The following AFTPH variants were observed in gnomAD, a reference collection of about 807,000 sequenced individuals.
The protein encoded by AFTPH is aftiphilin protein.
A neutral mutation model predicts 72.5 loss-of-function variants in AFTPH; 7 were observed. The ratio of observed to expected loss-of-function variants is 0.10; its 90% CI spans 0.05 to 0.18. The LOEUF (loss-of-function observed/expected upper bound fraction) is 0.18, where lower values mean the gene tolerates loss of function less well. Ranked by LOEUF, AFTPH falls within the 10% of genes least tolerant of loss-of-function variation. The pLI, the probability that AFTPH is intolerant of heterozygous loss-of-function variation, is 1.00. For synonymous variants in AFTPH, 337 were observed against 370.1 expected (o/e 0.91, Z 1.03); for missense variants, 979 against 1,060.5 (o/e 0.92, Z 1.07).
chr2:64,544,055 T>C (rs1471322878), intron 1 of AFTPH, among the ~76,000 whole-genome samples: 1 of 152,246 alleles, frequency 6.6e-6, no homozygotes, highest in East Asian at 1.9e-4. Context: ...CCCTTTATAT[T>C]GGACCTTCTA....
rs376133867 is a variant in AFTPH, at chr2:64,579,559, G to A, written c.2455+13G>A. 119 of 1,610,626 alleles carry A rather than the reference G, an allele frequency of 7.4e-5. No individual in the cohort carries two copies. The highest frequency in any genetic ancestry group is 2.9e-4 in the East Asian group (13 of 44,830). On this transcript the variant is annotated intron_variant, in intron 7 of 8. Transcript: ENST00000238856. Reference sequence around the variant, plus strand: ...AACCCTTTAGATGGTACGTCTCTCCGTAGAGCCTCTAGCACCAGAGCTAGA... The same window carrying A: ...AACCCTTTAGATGGTACGTCTCTCCATAGAGCCTCTAGCACCAGAGCTAGA...
intron 6 of AFTPH, among the ~76,000 whole-genome samples, chr2:64,573,873 G>C (rs189970302): frequency 6.6e-6 from 1 of 152,244 alleles, no homozygotes; most frequent in African/African-American, 2.4e-5. Context: ...GGCCAGGCTG[G>C]TATTGAACTT....
chr2:64,538,414 T>C (rs2103841892), intron 1 of AFTPH, among the ~76,000 whole-genome samples: 1 of 152,344 alleles, frequency 6.6e-6, no homozygotes, highest in Non-Finnish European at 1.5e-5. Flanking sequence ...CAGTTATTAG[T>C]ATCGGTAGAC....
At chr2:64,536,204 T>C (rs957806805) in intron 1 of AFTPH, among the ~76,000 whole-genome samples, 4 of 151,998 alleles carry the variant, frequency 2.6e-5, no homozygotes, top group Non-Finnish European at 5.9e-5. Context: ...AGGTCAGACA[T>C]ATAGGTAAGG....
chr2:64,539,968 G>A (rs1473419534), intron 1 of AFTPH, among the ~76,000 whole-genome samples: 1 of 152,100 alleles, frequency 6.6e-6, no homozygotes, highest in East Asian at 1.9e-4. Flanking sequence ...TTTTGAGTAT[G>A]GAAGAGGCTG....
At chr2:64,548,839 T>C (rs1181636397) in intron 1 of AFTPH, among the ~76,000 whole-genome samples, 2 of 152,150 alleles carry the variant, frequency 1.3e-5, no homozygotes, top group African/African-American at 4.8e-5. Flanking sequence ...AAGAAGAGTA[T>C]GGCAGAGCAA....
exon 2 of AFTPH, chr2:64,552,015 A>T: frequency 6.2e-7 from 1 of 1,613,946 alleles, no homozygotes; most frequent in Non-Finnish European, 8.5e-7. Context: ...TTGTCTGGAG[A>T]TTCTAACAAA....
At chr2:64,540,160 C>T (rs1048697708) in intron 1 of AFTPH, among the ~76,000 whole-genome samples, 1 of 152,056 alleles carries the variant, frequency 6.6e-6, no homozygotes, top group Admixed American at 6.6e-5. Flanking sequence ...ATTTTCATTG[C>T]AGAGTTTCAG....
intron 8 of AFTPH, among the ~76,000 whole-genome samples, chr2:64,588,730 C>G (rs76112149): frequency 3.9e-5 from 6 of 152,128 alleles, no homozygotes; most frequent in Admixed American, 6.6e-5. Context: ...GGAGAAATAT[C>G]TGTTCAGATC....
intron 1 of AFTPH, 32 bp downstream of exon 1, chr2:64,524,644 G>T: frequency 2.5e-6 from 1 of 396,896 alleles, no homozygotes. Flanking sequence ...CCCTAGCTGC[G>T]CCGGGGAAAG....
chr2:64,551,573 G>A (rs1671050390), exon 2 of AFTPH: 2 of 1,613,976 alleles, frequency 1.2e-6, no homozygotes, highest in South Asian at 1.1e-5. Context: ...AATTTGGTGG[G>A]TTTTCAGAAG....
intron 6 of AFTPH, among the ~76,000 whole-genome samples, chr2:64,574,601 T>C (rs558993085): frequency 4.6e-5 from 7 of 152,330 alleles, no homozygotes; most frequent in African/African-American, 1.7e-4. Flanking sequence ...TCAAGAAACA[T>C]CTAATATTAC....
chr2:64,536,240 C>G (rs1442356096), intron 1 of AFTPH, among the ~76,000 whole-genome samples: 2 of 152,036 alleles, frequency 1.3e-5, no homozygotes, highest in East Asian at 3.9e-4. Context: ...CAGATAAAAA[C>G]AAAAGGGGGA....
intron 1 of AFTPH, among the ~76,000 whole-genome samples, chr2:64,538,789 CGTTGCTTACTTTCTTA>C (rs1422656856): frequency 6.6e-6 from 1 of 152,150 alleles, no homozygotes; most frequent in Admixed American, 6.6e-5. Flanking sequence ...TGTAGGACAT[CGTTGCTTACTTTCTTA>C]GTGGCTCAGA....
At chr2:64,544,609 C>G (rs906504843) in intron 1 of AFTPH, among the ~76,000 whole-genome samples, 2 of 149,276 alleles carry the variant, frequency 1.3e-5, no homozygotes, top group Non-Finnish European at 2.9e-5. Context: ...TGAGCAGGAA[C>G]AGCTATTTAA....
At chr2:64,557,629 A>G (rs1671461150) in intron 2 of AFTPH, among the ~76,000 whole-genome samples, 1 of 151,652 alleles carries the variant, frequency 6.6e-6, no homozygotes, top group Non-Finnish European at 1.5e-5. Flanking sequence ...ACAGGCATAG[A>G]AACTCAGTGT....
intron 2 of AFTPH, among the ~76,000 whole-genome samples, chr2:64,555,953 G>A (rs1261956828): frequency 6.7e-6 from 1 of 149,854 alleles, no homozygotes; most frequent in Non-Finnish European, 1.5e-5. Context: ...TTCCCTAGTT[G>A]CTCCGGACAG....
In AFTPH at chr2:64,564,650, C is replaced by G. The variant is rs1338462660; in HGVS notation, c.1936-2912C>G. 3.0e-4 allele frequency among the ~76,000 whole-genome samples: 45 copies of G among 151,932 alleles called. 1 individual carries two copies. Among genetic ancestry groups the G allele is most frequent in the African/African-American group, 9.7e-5 (4 of 41,376 alleles). ...AAATAAAAAATAAAATAAATAAATG[C>G]AGAAACTGGAGTCTTGGCCCCTGGA... On this transcript the variant is annotated intron_variant, in intron 2 of 8. Coordinates refer to ENST00000238856, the Ensembl canonical transcript of AFTPH.
chr2:64,567,751 G>T lies in AFTPH; in HGVS notation c.2087+38G>T. The T allele has an allele frequency of 1.9e-6, 3 of 1,574,550 alleles. No individual in the cohort carries two copies. The South Asian group carries it at 3.5e-5, about 18-fold the overall frequency. ...CTGTTTTTAGATAGCATGTGTTTTT[G>T]TTATTTTTAGTAGTTCTAATTTATA... On this transcript the variant is annotated intron_variant, in intron 3 of 8. Coordinates refer to ENST00000238856, the Ensembl canonical transcript of AFTPH.
Sources: allele counts gnomAD v4.1 joint callset (sites outside exome capture counted in the v4.1 genomes callset), GRCh38; gene constraint gnomAD v4.1.1; transcripts MANE v1.5; gene names NCBI Gene and HGNC (gene_info 2026-07-23, HGNC 2026-07-21).